The following ARHGEF7 variants were observed in gnomAD, a reference collection of about 807,000 sequenced individuals.
ARHGEF7 encodes Rho guanine nucleotide exchange factor 7.
A neutral mutation model predicts 109.8 loss-of-function variants in ARHGEF7; 33 were observed. The ratio of observed to expected loss-of-function variants is 0.30; its 90% CI spans 0.23 to 0.40. The LOEUF (loss-of-function observed/expected upper bound fraction) is 0.40, where lower values mean the gene tolerates loss of function less well. ARHGEF7 is among the 10% of genes least tolerant of loss of function. ARHGEF7 has a pLI of 1.00. For missense variants in ARHGEF7, 938 were observed against 1,098.5 expected (o/e 0.85, Z 2.07); for synonymous variants, 458 against 424.6 (o/e 1.08, Z -0.97).
intron 1 of ARHGEF7, among the ~76,000 whole-genome samples, chr13:111,117,105 A>G (rs940044365): frequency 3.3e-5 from 5 of 152,370 alleles, no homozygotes; most frequent in Admixed American, 2.0e-4. Context: ...GTTGAAATGC[A>G]TGCAAAGTTC....
intron 2 of ARHGEF7, 32 bp from the exon 3 acceptor site, chr13:111,205,257 A>G: frequency 1.3e-6 from 2 of 1,551,566 alleles, no homozygotes; most frequent in South Asian, 1.2e-5. Flanking sequence ...ATAAGACTCT[A>G]CTAATTTTGC....
intron 2 of ARHGEF7, among the ~76,000 whole-genome samples, chr13:111,168,703 T>C (rs764190248): frequency 2.0e-5 from 3 of 152,220 alleles, no homozygotes; most frequent in Admixed American, 2.0e-4. Flanking sequence ...GGGTTTAGTT[T>C]TTTGAAGCTT....
At chr13:111,302,957 A>C (rs772097910) in intron 21 of ARHGEF7, 34 bp from the exon 22 acceptor site, 1 of 1,611,970 alleles carries the variant, frequency 6.2e-7, no homozygotes, top group Non-Finnish European at 8.5e-7. Flanking sequence ...GATGCCAAAG[A>C]TAGTGAACAC....
chr13:111,267,415 A>G, intron 8 of ARHGEF7, 133 bp from the exon 9 acceptor site: 2 of 1,193,492 alleles, frequency 1.7e-6, no homozygotes, highest in Non-Finnish European at 2.3e-6. Context: ...GTGTGCTGGG[A>G]TCGGGGCCTC....
intron 2 of ARHGEF7, among the ~76,000 whole-genome samples, chr13:111,175,825 T>C (rs2078103472): frequency 6.6e-6 from 1 of 152,164 alleles, no homozygotes; most frequent in Non-Finnish European, 1.5e-5. Context: ...AAGGTTTAAT[T>C]TACTCACAGT....
At chr13:111,221,417 CTATA>C (rs1190673556) in intron 5 of ARHGEF7, among the ~76,000 whole-genome samples, 40 of 2,492 alleles carry the variant, frequency 0.016, 17 homozygotes, top group African/African-American at 0.029. Flanking sequence ...ATATAGATGT[CTATA>C]TATCTATATA....
intron 1 of ARHGEF7, among the ~76,000 whole-genome samples, chr13:111,119,324 A>T (rs2067018045): frequency 6.6e-6 from 1 of 152,206 alleles, no homozygotes; most frequent in African/African-American, 2.4e-5. Context: ...CAAAATACGA[A>T]TGCTGGAGGA....
intron 5 of ARHGEF7, among the ~76,000 whole-genome samples, chr13:111,230,049 G>A (rs949806997): frequency 9.2e-5 from 14 of 152,156 alleles, no homozygotes; most frequent in Non-Finnish European, 5.9e-5. Flanking sequence ...GGAGCCTGGA[G>A]ACAGGTGTGT....
chr13:111,188,221 C>G (rs1041758287), intron 2 of ARHGEF7, among the ~76,000 whole-genome samples: 1 of 152,240 alleles, frequency 6.6e-6, no homozygotes, highest in Non-Finnish European at 1.5e-5. Flanking sequence ...CCTCCTCAGT[C>G]CCTGCAAGGC....
In ARHGEF7 at chr13:111,191,680, G is replaced by A. The variant is rs1029823128; in HGVS notation, c.253-13609G>A. On this transcript the variant is annotated intron_variant, in intron 2 of 21. Coordinates refer to ENST00000646102, the MANE Select transcript of ARHGEF7 (RefSeq NM_001354046.2). Reference sequence around the variant, plus strand: ...AGAGTGGGTTGAGAGTCTTGTAGAGGTATTTAGGAGCTAGTGGAAGGGGAG... The same window carrying A: ...AGAGTGGGTTGAGAGTCTTGTAGAGATATTTAGGAGCTAGTGGAAGGGGAG... Among the ~76,000 whole-genome samples, 8 of 152,250 alleles carry A rather than the reference G, an allele frequency of 5.3e-5. No homozygotes were observed. The East Asian group carries it at 1.2e-3, about 22-fold the overall frequency.
At chr13:111,260,890 C>G (rs1034830160) in intron 8 of ARHGEF7, among the ~76,000 whole-genome samples, 2 of 152,146 alleles carry the variant, frequency 1.3e-5, no homozygotes, top group Non-Finnish European at 2.9e-5. Flanking sequence ...TGTTTCCTTG[C>G]TTGTTACATT....
chr13:111,181,762 G>A (rs1293589799), intron 2 of ARHGEF7, among the ~76,000 whole-genome samples: 7 of 152,178 alleles, frequency 4.6e-5, no homozygotes, highest in South Asian at 4.1e-4. Context: ...CAAGAGAGGC[G>A]CAGCTGTCAT....
chr13:111,146,870 A>T (rs1366420695), intron 1 of ARHGEF7, among the ~76,000 whole-genome samples: 1 of 152,220 alleles, frequency 6.6e-6, no homozygotes, highest in Non-Finnish European at 1.5e-5. Flanking sequence ...GCAAATTTTC[A>T]TATCACACAC....
intron 5 of ARHGEF7, among the ~76,000 whole-genome samples, chr13:111,225,147 T>A (rs2085021817): frequency 6.6e-6 from 1 of 152,222 alleles, no homozygotes; most frequent in African/African-American, 2.4e-5. Context: ...CGGTGATGAT[T>A]ACACATCTTC....
chr13:111,135,850 G>C (rs2075057987), intron 1 of ARHGEF7, among the ~76,000 whole-genome samples: 1 of 152,198 alleles, frequency 6.6e-6, no homozygotes, highest in Non-Finnish European at 1.5e-5. Context: ...GGAGTGGTGA[G>C]AGAGGGCATC....
At position 111,288,412 on chromosome 13, in the gene ARHGEF7, C is replaced by G; in HGVS notation, c.2103C>G (p.Thr701=). 2 of 1,613,742 alleles carry G rather than the reference C, an allele frequency of 1.2e-6. No homozygotes were observed. Among genetic ancestry groups the G allele is most frequent in the Non-Finnish European group, 1.7e-6 (2 of 1,179,666 alleles). ...QILKVIEAYC[T]SAKTRQTLNS... Reference sequence around the variant, plus strand: ...TGAAAGTCATTGAAGCTTACTGCACCAGCGCCAAAACAAGGCAAACACTCA... The same window carrying G: ...TGAAAGTCATTGAAGCTTACTGCACGAGCGCCAAAACAAGGCAAACACTCA... Residue 701 remains threonine, a synonymous_variant, in exon 18 of 22, where the codon ACC becomes ACG. Transcript: ENST00000646102.
In ARHGEF7 at chr13:111,275,633, C is replaced by T. The variant is rs769870955; in HGVS notation, c.1374C>T (p.Asn458=). The change falls in exon 12 of 22, where the codon AAC becomes AAT. Residue 458 remains asparagine, a synonymous_variant. Coordinates refer to ENST00000646102, the MANE Select transcript of ARHGEF7 (RefSeq NM_001354046.2). ...GCGATGACATTAAAACTCTGGGCAA[C>T]GTCACTTACATGTCCCAGGTCCTGA... The part of the protein sequence containing the change: ...WEGDDIKTLG[N]VTYMSQVLIQ... The T allele has an allele frequency of 1.9e-5, 31 of 1,614,030 alleles. No individual in the cohort carries two copies. The East Asian group carries it at 3.6e-4, about 19-fold the overall frequency.
chr13:111,135,875 G>C (rs1202653515), intron 1 of ARHGEF7, among the ~76,000 whole-genome samples: 2 of 152,186 alleles, frequency 1.3e-5, no homozygotes, highest in Non-Finnish European at 2.9e-5. Context: ...TCTTGTGCCA[G>C]TTTTCCAAGG....
chr13:111,203,281 A>C (rs1206547184), intron 2 of ARHGEF7, among the ~76,000 whole-genome samples: 2 of 152,268 alleles, frequency 1.3e-5, no homozygotes, highest in Non-Finnish European at 2.9e-5. Flanking sequence ...TATGTTTTGC[A>C]TATAAGGAAG....
Sources: allele counts gnomAD v4.1 joint callset (sites outside exome capture counted in the v4.1 genomes callset), GRCh38; gene constraint gnomAD v4.1.1; transcripts MANE v1.5; gene names NCBI Gene and HGNC (gene_info 2026-07-23, HGNC 2026-07-21).